The following UPB1 variants were observed in gnomAD, a reference collection of about 807,000 sequenced individuals.
UPB1 encodes the protein beta-ureidopropionase 1.
A neutral mutation model predicts 49.1 loss-of-function variants in UPB1; 40 were observed. The observed-to-expected ratio is 0.81, with a 90% CI of 0.63 to 1.06. UPB1 has a LOEUF of 1.06. UPB1 is among the 50% of genes least tolerant of loss of function. UPB1 has a pLI of 0.00. For missense variants in UPB1, 499 were observed against 505.9 expected, an observed-to-expected ratio of 0.99 and a Z score of 0.13; for synonymous variants, 207 against 198.2, an observed-to-expected ratio of 1.04 and a Z score of -0.38.
At chr22:24,507,392 A>T (rs951226685) in intron 3 of UPB1, among the ~76,000 whole-genome samples, 2 of 151,932 alleles carry the variant, frequency 1.3e-5, no homozygotes, top group African/African-American at 4.8e-5. Flanking sequence ...CATTGGCGGG[A>T]TATTTACTGT....
intron 1 of UPB1, among the ~76,000 whole-genome samples, chr22:24,496,388 C>T (rs1455275373): frequency 2.0e-4 from 27 of 137,944 alleles, no homozygotes; most frequent in Non-Finnish European, 3.1e-5. Flanking sequence ...CACACACACA[C>T]ACACACACAC....
chr22:24,518,159 A>G (rs2044329133), intron 6 of UPB1: 1 of 149,346 alleles, frequency 6.7e-6, no homozygotes, highest in Non-Finnish European at 1.5e-5. Context: ...AACAAGACAG[A>G]AAAAAAAAAC....
At chr22:24,513,177 A>G in intron 4 of UPB1, 147 bp from the exon 5 acceptor site, 3 of 1,096,740 alleles carry the variant, frequency 2.7e-6, no homozygotes, top group Non-Finnish European at 2.7e-6. Context: ...CAAAGCATGG[A>G]CATCAGGGTA....
intron 9 of UPB1, among the ~76,000 whole-genome samples, chr22:24,525,137 C>T (rs189823087): frequency 6.6e-6 from 1 of 152,198 alleles, no homozygotes; most frequent in East Asian, 1.9e-4. Context: ...TTCTTAGAAG[C>T]AGAAGCCTTC....
At chr22:24,510,657 T>A in intron 3 of UPB1, 92 bp from the exon 4 acceptor site, 2 of 1,340,806 alleles carry the variant, frequency 1.5e-6, no homozygotes, top group Non-Finnish European at 2.1e-6. Context: ...GAGACTGTAT[T>A]CTTTTGCAGT....
At chr22:24,519,773 C>T (rs973362725) in intron 6 of UPB1, 3 of 155,378 alleles carry the variant, frequency 1.9e-5, no homozygotes, top group Admixed American at 6.3e-5. Context: ...TGAAATCACC[C>T]GCTTTGGAGA....
At chr22:24,519,349 C>T (rs1276373688) in intron 6 of UPB1, among the ~76,000 whole-genome samples, 2 of 152,280 alleles carry the variant, frequency 1.3e-5, no homozygotes, top group South Asian at 2.1e-4. Flanking sequence ...TGATCCTAGT[C>T]ACACAGTGTT....
At chr22:24,496,332 C>G (rs1201882800) in intron 1 of UPB1, among the ~76,000 whole-genome samples, 1 of 151,736 alleles carries the variant, frequency 6.6e-6, no homozygotes, top group Non-Finnish European at 1.5e-5. Flanking sequence ...AATCTCTCCT[C>G]TGCACTCCAG....
intron 3 of UPB1, among the ~76,000 whole-genome samples, chr22:24,508,403 A>G (rs917869889): frequency 1.3e-5 from 2 of 151,914 alleles, no homozygotes; most frequent in African/African-American, 4.8e-5. Context: ...TACTAAATAT[A>G]CAAAAATTAG....
chr22:24,518,474 G>A (rs2044335186), intron 6 of UPB1: 2 of 152,228 alleles, frequency 1.3e-5, no homozygotes, highest in African/African-American at 4.8e-5. Flanking sequence ...AAGATGGTAG[G>A]ATCCTGGCTT....
chr22:24,520,181 A>G (rs1268490826), intron 6 of UPB1: 2 of 627,670 alleles, frequency 3.2e-6, no homozygotes, highest in East Asian at 5.6e-5. Context: ...TGCTGAGGAC[A>G]GGCTGGCCTG....
chr22:24,521,024 A>G (rs1408331579), intron 7 of UPB1, among the ~76,000 whole-genome samples: 1 of 151,992 alleles, frequency 6.6e-6, no homozygotes, highest in Non-Finnish European at 1.5e-5. Context: ...CTCTACTAAA[A>G]ATATAAAAAT....
chr22:24,505,203 C>T (rs1021153469), intron 3 of UPB1, among the ~76,000 whole-genome samples: 5 of 152,214 alleles, frequency 3.3e-5, no homozygotes, highest in South Asian at 2.1e-4. Context: ...ATCATGGTTG[C>T]GATATCTTCT....
rs2044237089 is a variant in UPB1, at chr22:24,513,229, C to T, written c.460-95C>T. 14 of 1,585,192 alleles carry T rather than the reference C, an allele frequency of 8.8e-6. 1 individual carries two copies. The highest frequency in any genetic ancestry group is 3.5e-5 in the Admixed American group (2 of 57,904). On this transcript the variant is annotated intron_variant, in intron 4 of 9. Coordinates refer to ENST00000326010, the MANE Select transcript of UPB1 (RefSeq NM_016327.3). ...ACAAATGCAAGTGGTTGCTCTGACC[C>T]AAGCCTATTGATTTAGTAGGATCAT...
At chr22:24,499,997 G>A in intron 1 of UPB1, 110 bp from the exon 2 acceptor site, 2 of 1,558,446 alleles carry the variant, frequency 1.3e-6, no homozygotes, top group Non-Finnish European at 1.7e-6. Context: ...CTTCTAGCCA[G>A]GACATCCTCA....
chr22:24,497,018 T>G (rs776585962), intron 1 of UPB1, among the ~76,000 whole-genome samples: 1 of 152,156 alleles, frequency 6.6e-6, no homozygotes, highest in Non-Finnish European at 1.5e-5. Context: ...TGGAACACTG[T>G]CCCTCTTTCT....
At chr22:24,512,552 T>C (rs2044224456) in intron 4 of UPB1, among the ~76,000 whole-genome samples, 1 of 152,236 alleles carries the variant, frequency 6.6e-6, no homozygotes, top group South Asian at 2.1e-4. Flanking sequence ...TGGTAAAATA[T>C]ACATATAAAA....
In UPB1 at chr22:24,502,516, T is replaced by C. The variant is rs540584400; in HGVS notation, c.364+303T>C. 1.5e-5 allele frequency: 12 copies of C among 780,010 alleles called. No homozygotes were observed. The South Asian group carries it at 1.6e-4, about 10-fold the overall frequency. The allele number at this position is 780,010 out of a possible 1,614,324, so 48.3% of individuals were successfully genotyped here. On this transcript the variant is annotated intron_variant, in intron 3 of 9. Transcript: ENST00000326010. ...GGCTTTTGTAATTCCCTCCAGCTGG[T>C]CTCCTGTGCCCTCCTGACCAGGACT...
chr22:24,507,550 A>G (rs1374812833), intron 3 of UPB1, among the ~76,000 whole-genome samples: 2 of 152,232 alleles, frequency 1.3e-5, no homozygotes, highest in African/African-American at 4.8e-5. Context: ...TTATAAAGAA[A>G]TACTTTTTAG....
Sources: gnomAD v4.1 joint callset for allele counts (sites outside exome capture counted in the v4.1 genomes callset) on GRCh38, gnomAD v4.1.1 for gene constraint, MANE v1.5 for transcripts, NCBI Gene and HGNC (gene_info 2026-07-23, HGNC 2026-07-21) for gene names.